Variants in DYM observed in about 807,000 individuals in gnomAD.
The protein encoded by DYM is dymeclin, also known as dyggve-Melchior-Clausen syndrome protein.
A neutral mutation model predicts 93.1 loss-of-function variants in DYM; 78 were observed. The ratio of observed to expected loss-of-function variants is 0.84; its 90% CI spans 0.70 to 1.01. DYM has a LOEUF of 1.01. DYM is among the 50% of genes least tolerant of loss of function. DYM has a pLI of 0.00. For missense variants in DYM, 789 were observed against 845.0 expected (o/e 0.93, Z 0.82); for synonymous variants, 321 against 319.7 (o/e 1.00, Z -0.04).
intron 13 of DYM, among the ~76,000 whole-genome samples, chr18:49,241,315 C>A (rs770198506): frequency 1.3e-5 from 2 of 152,170 alleles, no homozygotes; most frequent in Non-Finnish European, 2.9e-5. Context: ...AACATTTCTA[C>A]GCTAGGGTCA....
At position 49,265,778 on chromosome 18, in the gene DYM, C is replaced by CAA. The variant is rs202068472; in HGVS notation, c.1251+6398_1251+6399dup. 2.7e-3 allele frequency among the ~76,000 whole-genome samples: 143 copies of CAA among 53,134 alleles called. 1 individual carries two copies. Among genetic ancestry groups the CAA allele is most frequent in the Non-Finnish European group, 4.4e-3 (115 of 26,292 alleles). The allele number at this position is 53,134 out of a possible 152,430, so 34.9% of individuals were successfully genotyped here. ...GGGCAACAGGAGCAAAACTCCATCT[C>CAA]AAAAAAAAAAAAAAAAAGAAATATT... is the stretch of plus-strand genomic sequence containing the variant. On this transcript the variant is annotated intron_variant, in intron 11 of 17. Transcript: ENST00000675505.
chr18:49,362,499 G>A (rs75254522), intron 6 of DYM, among the ~76,000 whole-genome samples: 14,405 of 152,170 alleles, frequency 0.095, 882 homozygotes, highest in East Asian at 0.31. Context: ...GTAGTTGTTG[G>A]CTTTGGTTCA....
At chr18:49,090,366 C>T (rs1215104670) in intron 17 of DYM, among the ~76,000 whole-genome samples, 1 of 152,044 alleles carries the variant, frequency 6.6e-6, no homozygotes, top group Non-Finnish European at 1.5e-5. Flanking sequence ...AGCTCTCATC[C>T]CCCAGCAAAA....
intron 8 of DYM, among the ~76,000 whole-genome samples, chr18:49,305,715 A>T (rs1312843356): frequency 6.6e-6 from 1 of 152,176 alleles, no homozygotes; most frequent in Non-Finnish European, 1.5e-5. Context: ...ATATGTAAAA[A>T]TTTCCGATCA....
intron 17 of DYM, among the ~76,000 whole-genome samples, chr18:49,044,913 C>T (rs1169504268): frequency 6.6e-6 from 1 of 152,250 alleles, no homozygotes; most frequent in Non-Finnish European, 1.5e-5. Flanking sequence ...TGTAAGGAGT[C>T]GTGCAGCTCA....
chr18:49,452,297 G>A (rs1246552544), intron 1 of DYM, among the ~76,000 whole-genome samples: 1 of 152,172 alleles, frequency 6.6e-6, no homozygotes, highest in African/African-American at 2.4e-5. Flanking sequence ...GTGAGCAGCA[G>A]CAAGATTTAT....
At chr18:49,394,337 G>A (rs2069771032) in intron 2 of DYM, among the ~76,000 whole-genome samples, 2 of 152,052 alleles carry the variant, frequency 1.3e-5, no homozygotes, top group African/African-American at 2.4e-5. Context: ...ACTTAGAACA[G>A]TGCCTGGCAC....
At chr18:49,267,861 C>T (rs747537281) in intron 11 of DYM, among the ~76,000 whole-genome samples, 4 of 152,156 alleles carry the variant, frequency 2.6e-5, no homozygotes, top group Non-Finnish European at 4.4e-5. Context: ...CCTGCCACTG[C>T]ACTCTGGCCT....
chr18:49,056,538 A>G (rs1225472032), intron 17 of DYM, among the ~76,000 whole-genome samples: 1 of 152,018 alleles, frequency 6.6e-6, no homozygotes, highest in Non-Finnish European at 1.5e-5. Context: ...TGCTTTATTT[A>G]TTTTATTATT....
At chr18:49,143,885 G>A (rs961930109) in intron 15 of DYM, among the ~76,000 whole-genome samples, 4 of 151,782 alleles carry the variant, frequency 2.6e-5, no homozygotes, top group Admixed American at 6.6e-5. Context: ...TCTTCTCCAG[G>A]GTTATTCTGA....
chr18:49,207,715 A>G (rs540958725), intron 14 of DYM, among the ~76,000 whole-genome samples: 2 of 152,176 alleles, frequency 1.3e-5, no homozygotes, highest in South Asian at 2.1e-4. Context: ...TGAGACTGCA[A>G]TATCAAGGCT....
intron 8 of DYM, among the ~76,000 whole-genome samples, chr18:49,289,486 C>T (rs1485059660): frequency 6.9e-6 from 1 of 145,198 alleles, no homozygotes; most frequent in Non-Finnish European, 1.5e-5. Context: ...AGGACTGCTT[C>T]AGCCCAGAAG....
At chr18:49,116,546 A>T (rs942077449) in intron 16 of DYM, 1 of 152,236 alleles carries the variant, frequency 6.6e-6, no homozygotes, top group Non-Finnish European at 1.5e-5. Flanking sequence ...ACTGAATGTT[A>T]TAATCCTTAA....
chr18:49,245,584 A>T (rs946453789), intron 13 of DYM, among the ~76,000 whole-genome samples: 1 of 152,166 alleles, frequency 6.6e-6, no homozygotes, highest in Non-Finnish European at 1.5e-5. Context: ...AGCCTGGTAA[A>T]TTCTAATCAG....
chr18:49,369,004 C>T (rs1416397849), intron 5 of DYM, among the ~76,000 whole-genome samples: 1 of 152,260 alleles, frequency 6.6e-6, no homozygotes, highest in African/African-American at 2.4e-5. Flanking sequence ...GAGGCCAATG[C>T]TGACTGAAAG....
intron 16 of DYM, among the ~76,000 whole-genome samples, chr18:49,102,083 T>G (rs146359752): frequency 2.6e-4 from 39 of 152,328 alleles, no homozygotes; most frequent in African/African-American, 8.9e-4. Flanking sequence ...ATCTTCAAAG[T>G]GACAAAGTTG....
intron 11 of DYM, among the ~76,000 whole-genome samples, chr18:49,270,123 T>C (rs1468982856): frequency 1.3e-5 from 2 of 152,244 alleles, no homozygotes; most frequent in African/African-American, 2.4e-5. Context: ...TGTAGTAGGC[T>C]ACACTATCTT....
chr18:49,422,809 C>T (rs1193612253), intron 2 of DYM, among the ~76,000 whole-genome samples: 1 of 152,164 alleles, frequency 6.6e-6, no homozygotes, highest in Non-Finnish European at 1.5e-5. Flanking sequence ...AAGGCCATTA[C>T]ATAATGGTAA....
At chr18:49,045,820 C>T (rs1042117895) in intron 17 of DYM, among the ~76,000 whole-genome samples, 2 of 152,132 alleles carry the variant, frequency 1.3e-5, no homozygotes, top group Non-Finnish European at 2.9e-5. Flanking sequence ...GAAGAGCACA[C>T]ACCGGGGAGC....
Sources: allele counts gnomAD v4.1 joint callset (sites outside exome capture counted in the v4.1 genomes callset), GRCh38; gene constraint gnomAD v4.1.1; transcripts MANE v1.5; gene names NCBI Gene and HGNC (gene_info 2026-07-23, HGNC 2026-07-21).